REEP3: variants seen among roughly 807,000 people sequenced by gnomAD.
REEP3 encodes the protein receptor accessory protein 3.
REEP3 carries 20 observed loss-of-function variants against 41.3 expected under a neutral mutation model. The ratio of observed to expected loss-of-function variants is 0.48; its 90% CI spans 0.34 to 0.70. The LOEUF (loss-of-function observed/expected upper bound fraction) is 0.70, where lower values mean the gene tolerates loss of function less well. REEP3 is among the 30% of genes least tolerant of loss of function. REEP3 has a pLI of 0.01. For missense variants in REEP3, 271 were observed against 308.8 expected, an observed-to-expected ratio of 0.88 and a Z score of 0.92; for synonymous variants, 104 against 101.8, an observed-to-expected ratio of 1.02 and a Z score of -0.13.
chr10:63,528,850 G>A (rs1955391555), intron 1 of REEP3, among the ~76,000 whole-genome samples: 1 of 151,988 alleles, frequency 6.6e-6, no homozygotes, highest in South Asian at 2.1e-4. Flanking sequence ...CTTCCTTCAG[G>A]TGTTCACTTT....
chr10:63,564,137 T>C (rs1955773485), intron 1 of REEP3, among the ~76,000 whole-genome samples: 1 of 152,150 alleles, frequency 6.6e-6, no homozygotes, highest in Non-Finnish European at 1.5e-5. Context: ...CATGCCAATA[T>C]AAGATGTTAA....
rs1955233107 is a variant in REEP3 at position 63,521,405 on chromosome 10, A to G, written c.-141A>G. 9.1e-6 allele frequency: 2 copies of G among 220,106 alleles called. No individual in the cohort carries two copies. Among genetic ancestry groups the G allele is most frequent in the Non-Finnish European group, 1.6e-5 (2 of 127,704 alleles). 13.6% of individuals were successfully genotyped at this position (220,106 alleles called of 1,614,324 possible). ...GCAGCCCAGGCCGCCGCGCGCACAC[A>G]CCGGGCCCGGCTCCTGAGGGCGCCA... On this transcript the variant is annotated 5_prime_UTR_variant, in exon 1 of 8. Coordinates refer to ENST00000373758, the MANE Select transcript of REEP3 (RefSeq NM_001001330.3).
intron 1 of REEP3, among the ~76,000 whole-genome samples, chr10:63,556,376 C>G (rs1317384801): frequency 6.6e-6 from 1 of 152,054 alleles, no homozygotes; most frequent in Admixed American, 6.5e-5. Flanking sequence ...CCCACCTTGG[C>G]CTCCCAAAGT....
intron 2 of REEP3, among the ~76,000 whole-genome samples, chr10:63,583,556 G>A (rs1955975217): frequency 2.6e-5 from 4 of 152,128 alleles, no homozygotes; most frequent in Admixed American, 2.6e-4. Context: ...TTTGTGGAAG[G>A]AGCCAGATGG....
chr10:63,588,702 G>A (rs1956030173), intron 2 of REEP3, among the ~76,000 whole-genome samples: 1 of 152,136 alleles, frequency 6.6e-6, no homozygotes, highest in Admixed American at 6.5e-5. Flanking sequence ...AGAGGAAGAG[G>A]GGAAAGCAAA....
chr10:63,566,207 T>C lies in REEP3; in HGVS notation c.33-131T>C, dbSNP rs542098800. The C allele has an allele frequency of 2.0e-5, 13 of 650,190 alleles. No homozygotes were observed. In the South Asian group the frequency reaches 2.3e-4, roughly 12 times the overall value. The allele number at this position is 650,190 out of a possible 1,614,324, so 40.3% of individuals were successfully genotyped here. ...CTAAATTATCTTTTTATTAAAAATA[T>C]ATTTTTACTTTTTCTGAGCGGATTT... On this transcript the variant is annotated intron_variant, in intron 1 of 7. Coordinates refer to ENST00000373758, the MANE Select transcript of REEP3 (RefSeq NM_001001330.3).
At chr10:63,597,845 G>A (rs1379074090) in intron 3 of REEP3, among the ~76,000 whole-genome samples, 179 bp from the exon 4 acceptor site, 3 of 151,656 alleles carry the variant, frequency 2.0e-5, no homozygotes, top group Non-Finnish European at 1.5e-5. Flanking sequence ...CCCAGGAGGC[G>A]GAGGTTGCAA....
chr10:63,546,906 T>C (rs1955583133), intron 1 of REEP3, among the ~76,000 whole-genome samples: 1 of 151,780 alleles, frequency 6.6e-6, no homozygotes, highest in East Asian at 1.9e-4. Context: ...TCAAAGATAA[T>C]ATAGAAAACT....
At chr10:63,539,245 A>C (rs543891352) in intron 1 of REEP3, among the ~76,000 whole-genome samples, 3 of 152,048 alleles carry the variant, frequency 2.0e-5, no homozygotes, top group East Asian at 3.8e-4. Context: ...TTGTTTAACT[A>C]TAGGTTTATT....
Position 63,521,504 on chromosome 10 carries a change from G to T in REEP3, c.-42G>T, listed in dbSNP as rs1382660124. On this transcript the variant is annotated 5_prime_UTR_variant, in exon 1 of 8. Transcript: ENST00000373758. ...TTGGCGGCCTGGTCCGCAGCGCCCT[G>T]CGCCCACCCGCCCCGGACGTGGGGC... 3 of 1,381,696 alleles carry T rather than the reference G, an allele frequency of 2.2e-6. No homozygotes were observed. Among genetic ancestry groups the T allele is most frequent in the Admixed American group, 2.7e-5 (1 of 37,126 alleles). 85.6% of individuals were successfully genotyped at this position (1,381,696 alleles called of 1,614,324 possible).
At chr10:63,619,600 C>A in intron 6 of REEP3, 55 bp from the exon 7 acceptor site, 2 of 1,514,548 alleles carry the variant, frequency 1.3e-6, no homozygotes, top group Non-Finnish European at 1.8e-6. Flanking sequence ...GTCAAAGAGC[C>A]GGCGCTGACT....
intron 4 of REEP3, among the ~76,000 whole-genome samples, chr10:63,598,810 G>A (rs1423859596): frequency 1.3e-5 from 2 of 151,604 alleles, no homozygotes; most frequent in Non-Finnish European, 2.9e-5. Flanking sequence ...GAAGCGCCTG[G>A]GCTGGGTGCA....
At chr10:63,574,879 A>G (rs1437497016) in intron 2 of REEP3, among the ~76,000 whole-genome samples, 10 of 87,266 alleles carry the variant, frequency 1.1e-4, no homozygotes, top group African/African-American at 4.1e-4. Flanking sequence ...TTTTTTTGAG[A>G]CAGAGTCTCG....
intron 1 of REEP3, among the ~76,000 whole-genome samples, chr10:63,535,428 A>T (rs1270658354): frequency 2.6e-5 from 4 of 152,206 alleles, no homozygotes. Context: ...TCTCCTAAAA[A>T]GTCTATAAAT....
chr10:63,556,986 T>C (rs184234202), intron 1 of REEP3, among the ~76,000 whole-genome samples: 123 of 152,282 alleles, frequency 8.1e-4, no homozygotes, highest in African/African-American at 2.8e-3. Context: ...GTTGTTATAA[T>C]GGGCTGCCTT....
intron 1 of REEP3, among the ~76,000 whole-genome samples, chr10:63,536,986 C>A (rs1048622677): frequency 6.6e-6 from 1 of 152,192 alleles, no homozygotes; most frequent in African/African-American, 2.4e-5. Context: ...TACCCTATAA[C>A]CCAGCAATCC....
intron 2 of REEP3, among the ~76,000 whole-genome samples, chr10:63,584,589 C>G (rs1955987147): frequency 6.6e-6 from 1 of 152,046 alleles, no homozygotes; most frequent in Non-Finnish European, 1.5e-5. Flanking sequence ...GGGAGCTTTT[C>G]TATTTGATTT....
chr10:63,586,299 A>G (rs1589877122), intron 2 of REEP3, among the ~76,000 whole-genome samples: 1 of 152,196 alleles, frequency 6.6e-6, no homozygotes, highest in Non-Finnish European at 1.5e-5. Context: ...CTGGCTTGTT[A>G]AGTAGGCTAA....
intron 1 of REEP3, among the ~76,000 whole-genome samples, chr10:63,552,936 G>A (rs947203638): frequency 1.5e-4 from 23 of 152,204 alleles, no homozygotes; most frequent in African/African-American, 5.5e-4. Flanking sequence ...CCACCTCTCT[G>A]ATTTTCTTGT....
Sources: allele counts gnomAD v4.1 joint callset (sites outside exome capture counted in the v4.1 genomes callset), GRCh38; gene constraint gnomAD v4.1.1; transcripts MANE v1.5; gene names NCBI Gene and HGNC (gene_info 2026-07-23, HGNC 2026-07-21).